Variants in STIL observed in about 807,000 individuals in gnomAD.
STIL encodes STIL centriolar assembly protein.
STIL carries 55 observed loss-of-function variants against 110.1 expected under a neutral mutation model. The observed-to-expected ratio is 0.50, with a 90% CI of 0.40 to 0.63. The LOEUF (loss-of-function observed/expected upper bound fraction) is 0.63. Among genes scored for constraint, STIL ranks in the 20% least tolerant of loss-of-function variants. The probability of loss-of-function intolerance (pLI) is 0.00; values close to 1 mark genes in which losing one functional copy is unlikely to be tolerated. For synonymous variants in STIL, 481 were observed against 530.0 expected, an observed-to-expected ratio of 0.91 and a Z score of 1.27; for missense variants, 1,358 against 1,530.0, an observed-to-expected ratio of 0.89 and a Z score of 1.87.
At chr1:47,280,029 C>A (rs1209391132) in intron 12 of STIL, among the ~76,000 whole-genome samples, 1 of 152,122 alleles carries the variant, frequency 6.6e-6, no homozygotes, top group African/African-American at 2.4e-5. Context: ...GGTTCTACTA[C>A]TAACTAGCAA....
At chr1:47,282,975 A>G (rs945102075) in intron 10 of STIL, 14 of 153,486 alleles carry the variant, frequency 9.1e-5, no homozygotes, top group African/African-American at 3.4e-4. Context: ...CACAGATGGC[A>G]TGCCCAGCAA....
chr1:47,287,713 G>A, intron 9 of STIL, 53 bp from the exon 10 acceptor site: 1 of 1,375,666 alleles, frequency 7.3e-7, no homozygotes. Flanking sequence ...GAACACCAGA[G>A]AATTCTATTT....
At chr1:47,263,747 T>TTTTTTG (rs1644552254) in intron 14 of STIL, among the ~76,000 whole-genome samples, 1 of 34,732 alleles carries the variant, frequency 2.9e-5, no homozygotes, top group Admixed American at 2.6e-4. Flanking sequence ...ATTCCAAGTT[T>TTTTTTG]TTTTTTTTTT....
chr1:47,293,222 T>C (rs2149108871), intron 8 of STIL, among the ~76,000 whole-genome samples: 1 of 152,282 alleles, frequency 6.6e-6, no homozygotes, highest in South Asian at 2.1e-4. Flanking sequence ...CCCAAAAGGT[T>C]TGTGTTCTGT....
chr1:47,275,334 C>G (rs1356376470), intron 12 of STIL, among the ~76,000 whole-genome samples: 1 of 149,682 alleles, frequency 6.7e-6, no homozygotes, highest in Non-Finnish European at 1.5e-5. Context: ...TTTTGCTGGG[C>G]GCGGTGGCTC....
intron 1 of STIL, among the ~76,000 whole-genome samples, chr1:47,313,508 G>A (rs550206840): frequency 2.1e-4 from 32 of 152,012 alleles, no homozygotes; most frequent in Middle Eastern, 3.4e-3. Context: ...TGCACAGGAT[G>A]CCTCCCTTAA....
chr1:47,298,783 G>A (rs142747400), intron 6 of STIL, among the ~76,000 whole-genome samples: 258 of 151,282 alleles, frequency 1.7e-3, no homozygotes, highest in African/African-American at 5.8e-3. Flanking sequence ...TCGCTCTGCC[G>A]CCCACACTGA....
At chr1:47,299,672 T>G in intron 6 of STIL, 1 of 448,992 alleles carries the variant, frequency 2.2e-6, no homozygotes, top group Non-Finnish European at 4.1e-6. Context: ...GGATTACAGG[T>G]GTGAGCCACT....
In STIL at chr1:47,250,871, T is replaced by C. The variant is rs1225091994; in HGVS notation, c.*265A>G. On this transcript the variant is annotated 3_prime_UTR_variant, in exon 17 of 17. Coordinates refer to ENST00000371877, the MANE Select transcript of STIL (RefSeq NM_001048166.1). ...AGTTGAGACTTAGAGCTGGATAGTATCTGTCTACTACTTAAACTTGTAGGA... is the reference window on the plus strand; with the variant it reads ...AGTTGAGACTTAGAGCTGGATAGTACCTGTCTACTACTTAAACTTGTAGGA... 9.5e-6 allele frequency: 4 copies of C among 419,584 alleles called. No homozygotes were observed. The Admixed American group carries it at 1.6e-4, about 17-fold the overall frequency. The allele number at this position is 419,584 out of a possible 1,614,324, so 26.0% of individuals were successfully genotyped here. A position where few individuals can be genotyped will look rare whatever the true frequency, so the allele number is the denominator to read the frequency against.
In STIL at chr1:47,259,248, A is replaced by G. The variant is rs984349637; in HGVS notation, c.3080+1041T>C. Among the ~76,000 whole-genome samples, 7 of 145,316 alleles carry G rather than the reference A, an allele frequency of 4.8e-5. No individual in the cohort carries two copies. In the Admixed American group the frequency reaches 4.9e-4, roughly 10 times the overall value. On this transcript the variant is annotated intron_variant, in intron 16 of 16. Coordinates refer to ENST00000371877, the MANE Select transcript of STIL (RefSeq NM_001048166.1). Reference sequence around the variant, plus strand: ...TGATCCGCCCACCTCGGCTTCCCAAAGTGCTGGGATTACAGGTGTGAGGTA... The same window carrying G: ...TGATCCGCCCACCTCGGCTTCCCAAGGTGCTGGGATTACAGGTGTGAGGTA...
chr1:47,265,911 C>G (rs570707574), intron 14 of STIL, among the ~76,000 whole-genome samples: 1 of 152,040 alleles, frequency 6.6e-6, no homozygotes, highest in Non-Finnish European at 1.5e-5. Flanking sequence ...CTTAGCCTCC[C>G]GAACAGCTGG....
intron 6 of STIL, among the ~76,000 whole-genome samples, chr1:47,296,569 C>A (rs1000595597): frequency 6.6e-6 from 1 of 151,802 alleles, no homozygotes; most frequent in Admixed American, 6.6e-5. Context: ...TTTGGGAGGC[C>A]GAGGTGGGCA....
chr1:47,272,160 T>C lies in STIL; in HGVS notation c.2299A>G (p.Arg767Gly). The change falls in exon 13 of 17, where the codon AGA becomes GGA. Residue 767 changes from arginine (R) to glycine (G), a missense_variant. By Grantham distance (125) the Arg-to-Gly change is moderately radical. Transcript: ENST00000371877. ...TAVEDTVQAG[R>G]QMELVSVEAQ... ...TCCACAGAAACCAACTCCATTTGTC[T>C]TCCAGCTTGCACTGTGTCTTCAACA... 2.5e-6 allele frequency: 4 copies of C among 1,614,192 alleles called. No individual in the cohort carries two copies. Among genetic ancestry groups the C allele is most frequent in the African/African-American group, 1.3e-5 (1 of 75,052 alleles).
At chr1:47,252,021 C>T in intron 16 of STIL, 99 bp from the exon 17 acceptor site, 1 of 1,274,888 alleles carries the variant, frequency 7.8e-7, no homozygotes, top group Admixed American at 2.6e-5. Context: ...AGATCTTCAG[C>T]TTTAAGTTCA....
At position 47,287,599 on chromosome 1, in the gene STIL, G is replaced by A; in HGVS notation, c.1085C>T (p.Ala362Val). The A allele has an allele frequency of 1.2e-6, 2 of 1,612,466 alleles. No homozygotes were observed. Among genetic ancestry groups the A allele is most frequent in the South Asian group, 2.2e-5 (2 of 90,748 alleles). Reference protein sequence around the residue: ...RCELSAESQNAETEFFSKASK... With the variant: ...RCELSAESQNVETEFFSKASK... ...AGCCTTACTGAAAAACTCTGTTTCTGCATTTTGGCTTTCAGCGCTCAGTTC... is the reference window on the plus strand; with the variant it reads ...AGCCTTACTGAAAAACTCTGTTTCTACATTTTGGCTTTCAGCGCTCAGTTC... Residue 362 changes from alanine (A) to valine (V), a missense_variant, in exon 10 of 17, where the codon GCA becomes GTA. Physicochemically the swap from Ala to Val is moderately conservative, Grantham distance 64. Coordinates refer to ENST00000371877, the MANE Select transcript of STIL (RefSeq NM_001048166.1).
rs769152242 is a variant in STIL, at chr1:47,281,060, T to C, written c.1398A>G (p.Gln466=). ...TGTGTTTCTCATCATAAAGCTGGGG[T>C]TGCAATGGCTTCAAGTGTTCCAAGT... ...INHLEHLKPL[Q]PQLYDEKHSP... Residue 466 remains glutamine, a synonymous_variant, in exon 12 of 17, where the codon CAA becomes CAG. Transcript: ENST00000371877. 1.9e-6 allele frequency: 3 copies of C among 1,614,092 alleles called. No individual in the cohort carries two copies. The highest frequency in any genetic ancestry group is 1.3e-5 in the African/African-American group (1 of 75,012).
intron 13 of STIL, among the ~76,000 whole-genome samples, chr1:47,270,255 T>TATATATATAC (rs775684329): frequency 1.7e-5 from 2 of 119,398 alleles, no homozygotes; most frequent in African/African-American, 6.6e-5. Context: ...TATATATATA[T>TATATATATAC]ACACACACAC....
chr1:47,295,006 C>A (rs1469663729), intron 7 of STIL, among the ~76,000 whole-genome samples: 1 of 152,078 alleles, frequency 6.6e-6, no homozygotes, highest in African/African-American at 2.4e-5. Flanking sequence ...ACTGCAACCT[C>A]CACCTCCTGG....
chr1:47,293,330 C>G lies in STIL; in HGVS notation c.872+128G>C, dbSNP rs1195525616. 4 of 702,562 alleles carry G rather than the reference C, an allele frequency of 5.7e-6. No homozygotes were observed. The African/African-American group carries it at 7.3e-5, about 13-fold the overall frequency. The allele number at this position is 702,562 out of a possible 1,614,324, so 43.5% of individuals were successfully genotyped here. ...TCATTTAATATAAGGTTTGTTTTTT[C>G]TTAATGTACGTGTTTATTTATAAGT... On this transcript the variant is annotated intron_variant, in intron 8 of 16. Transcript: ENST00000371877.
Sources: gnomAD v4.1 joint callset for allele counts (sites outside exome capture counted in the v4.1 genomes callset) on GRCh38, gnomAD v4.1.1 for gene constraint, MANE v1.5 for transcripts, NCBI Gene and HGNC (gene_info 2026-07-23, HGNC 2026-07-21) for gene names.